The following FGF10 variants were observed in gnomAD, a reference collection of about 807,000 sequenced individuals.
FGF10 encodes the protein fibroblast growth factor 10, also known as FGF-10.
Under a neutral mutation model 19.8 loss-of-function variants are expected in FGF10, and 2 were observed. The observed-to-expected ratio is 0.10, with a 90% CI of 0.04 to 0.32. The LOEUF is 0.32. FGF10 is among the 10% of genes least tolerant of loss of function. The pLI is 1.00. For missense variants in FGF10, 191 were observed against 246.3 expected (o/e 0.78, Z 1.50); for synonymous variants, 112 against 94.0 (o/e 1.19, Z -1.10).
intron 1 of FGF10, among the ~76,000 whole-genome samples, chr5:44,352,068 G>A (rs1201432963): frequency 6.6e-6 from 1 of 151,494 alleles, no homozygotes; most frequent in Non-Finnish European, 1.5e-5. Context: ...ACTAAGTAGG[G>A]CCAAAAATTA....
At chr5:44,325,767 A>G (rs907954227) in intron 1 of FGF10, among the ~76,000 whole-genome samples, 2 of 152,122 alleles carry the variant, frequency 1.3e-5, no homozygotes, top group African/African-American at 4.8e-5. Flanking sequence ...CATATACCTA[A>G]TGTAAATGAC....
intron 1 of FGF10, among the ~76,000 whole-genome samples, chr5:44,350,741 G>GA (rs547059310): frequency 4.3e-4 from 63 of 146,730 alleles, no homozygotes; most frequent in East Asian, 1.2e-3. Context: ...TTCATTTCAT[G>GA]AAAAAAAAAA....
intron 2 of FGF10, among the ~76,000 whole-genome samples, chr5:44,305,611 A>C (rs1740058205): frequency 2.0e-5 from 3 of 152,150 alleles, no homozygotes; most frequent in Non-Finnish European, 2.9e-5. Context: ...TGAAGGAAAG[A>C]TATGGGCTTG....
At chr5:44,308,055 A>G (rs1378701514) in intron 2 of FGF10, among the ~76,000 whole-genome samples, 4 of 152,208 alleles carry the variant, frequency 2.6e-5, no homozygotes, top group African/African-American at 9.6e-5. Context: ...GTCACAATCT[A>G]TTGGGAGAAG....
At chr5:44,346,060 G>A (rs920135616) in intron 1 of FGF10, among the ~76,000 whole-genome samples, 13 of 151,698 alleles carry the variant, frequency 8.6e-5, no homozygotes, top group Non-Finnish European at 1.6e-4. Context: ...AATTCTAATA[G>A]TGATCTTATC....
intron 1 of FGF10, among the ~76,000 whole-genome samples, chr5:44,368,913 C>CT (rs1741682252): frequency 6.6e-6 from 1 of 152,090 alleles, no homozygotes; most frequent in South Asian, 2.1e-4. Context: ...AGCAATCCTC[C>CT]TGCTTTGGTC....
At chr5:44,360,788 T>G (rs1741463698) in intron 1 of FGF10, among the ~76,000 whole-genome samples, 1 of 151,622 alleles carries the variant, frequency 6.6e-6, no homozygotes, top group South Asian at 2.1e-4. Flanking sequence ...TCATTAACAC[T>G]ACCACTAAAA....
At chr5:44,328,310 A>T (rs1448360879) in intron 1 of FGF10, among the ~76,000 whole-genome samples, 1 of 152,170 alleles carries the variant, frequency 6.6e-6, no homozygotes, top group Non-Finnish European at 1.5e-5. Context: ...TTGCTGGCAA[A>T]TTTATTACAG....
chr5:44,365,181 C>G (rs1051276018), intron 1 of FGF10, among the ~76,000 whole-genome samples: 1 of 151,648 alleles, frequency 6.6e-6, no homozygotes, highest in South Asian at 2.1e-4. Context: ...ATACCTAAGA[C>G]CTCCACTCAG....
chr5:44,383,870 T>C (rs1482518604), intron 1 of FGF10, among the ~76,000 whole-genome samples: 1 of 152,080 alleles, frequency 6.6e-6, no homozygotes, highest in African/African-American at 2.4e-5. Flanking sequence ...AGAAAACTCT[T>C]GTGTCGTTAT....
At chr5:44,365,516 G>A (rs1741587298) in intron 1 of FGF10, among the ~76,000 whole-genome samples, 1 of 151,830 alleles carries the variant, frequency 6.6e-6, no homozygotes, top group South Asian at 2.1e-4. Flanking sequence ...ATTGCAGTCT[G>A]AGCCATGACT....
At chr5:44,352,179 C>T (rs1330102877) in intron 1 of FGF10, among the ~76,000 whole-genome samples, 5 of 151,658 alleles carry the variant, frequency 3.3e-5, no homozygotes, top group East Asian at 2.0e-4. Context: ...ATAAAGATAA[C>T]GCCATGCCAC....
intron 1 of FGF10, among the ~76,000 whole-genome samples, chr5:44,372,497 A>T (rs1741763449): frequency 6.6e-6 from 1 of 152,180 alleles, no homozygotes; most frequent in Non-Finnish European, 1.5e-5. Flanking sequence ...TCCAGGGATT[A>T]CAGCCTGATA....
chr5:44,327,959 A>G (rs1192464012), intron 1 of FGF10, among the ~76,000 whole-genome samples: 1 of 152,186 alleles, frequency 6.6e-6, no homozygotes, highest in African/African-American at 2.4e-5. Context: ...TGTCCAGTTA[A>G]GATTGATTTT....
At chr5:44,364,877 A>C (rs756976917) in intron 1 of FGF10, among the ~76,000 whole-genome samples, 25 of 151,928 alleles carry the variant, frequency 1.6e-4, no homozygotes, top group Non-Finnish European at 3.4e-4. Flanking sequence ...TTCACATAGA[A>C]TATGTAAAGA....
At chr5:44,379,998 A>G (rs1323480344) in intron 1 of FGF10, among the ~76,000 whole-genome samples, 1 of 152,322 alleles carries the variant, frequency 6.6e-6, no homozygotes, top group Non-Finnish European at 1.5e-5. Context: ...AAGTTTTTAT[A>G]CTATAATGTG....
At chr5:44,310,356 TG>T in intron 2 of FGF10, 70 bp downstream of exon 2, 4 of 1,009,886 alleles carry the variant, frequency 4.0e-6, no homozygotes, top group Non-Finnish European at 4.7e-6. Flanking sequence ...ATTCGGTGTC[TG>T]GAGGAAACTT....
intron 1 of FGF10, among the ~76,000 whole-genome samples, chr5:44,379,024 C>T (rs906184302): frequency 1.3e-5 from 2 of 152,286 alleles, no homozygotes; most frequent in Non-Finnish European, 1.5e-5. Flanking sequence ...AGGCACCAAA[C>T]TCTCCCTTTG....
At chr5:44,328,224 C>T (rs981104503) in intron 1 of FGF10, among the ~76,000 whole-genome samples, 12 of 152,048 alleles carry the variant, frequency 7.9e-5, no homozygotes, top group Admixed American at 3.9e-4. Flanking sequence ...ACAACGTAAT[C>T]GCATTGGAAA....
Sources: gnomAD v4.1 joint callset for allele counts (sites outside exome capture counted in the v4.1 genomes callset) on GRCh38, gnomAD v4.1.1 for gene constraint, MANE v1.5 for transcripts, NCBI Gene and HGNC (gene_info 2026-07-23, HGNC 2026-07-21) for gene names.